The following DCHS2 variants were observed in gnomAD, a reference collection of about 807,000 sequenced individuals.
DCHS2 encodes protocadherin-23.
Under a neutral mutation model 182.4 loss-of-function variants are expected in DCHS2, and 142 were observed. That is an observed-to-expected ratio of 0.78 (90% CI 0.68 to 0.89). The LOEUF (loss-of-function observed/expected upper bound fraction) is 0.89, where lower values mean the gene tolerates loss of function less well. Among genes scored for constraint, DCHS2 ranks in the 40% least tolerant of loss-of-function variants. DCHS2 has a pLI of 0.00. For synonymous variants in DCHS2, 1,740 were observed against 1,663.3 expected (o/e 1.05, Z -1.12); for missense variants, 4,319 against 4,198.6 (o/e 1.03, Z -0.79).
At chr4:154,347,141 C>T (rs949080736) in intron 3 of DCHS2, among the ~76,000 whole-genome samples, 3 of 151,080 alleles carry the variant, frequency 2.0e-5, no homozygotes, top group Non-Finnish European at 2.9e-5. Context: ...CCTTCAAATG[C>T]TATGAATGTT....
At chr4:154,441,118 A>G (rs1338776461) in intron 1 of DCHS2, among the ~76,000 whole-genome samples, 2 of 152,214 alleles carry the variant, frequency 1.3e-5, no homozygotes, top group Admixed American at 6.5e-5. Flanking sequence ...TGTTGTTAAA[A>G]GAAAGGATGC....
chr4:154,363,965 C>G (rs1730238455), intron 3 of DCHS2, among the ~76,000 whole-genome samples: 1 of 152,168 alleles, frequency 6.6e-6, no homozygotes, highest in Non-Finnish European at 1.5e-5. Flanking sequence ...TAAAGTAAAG[C>G]ACTACCAGTC....
chr4:154,457,010 A>G (rs1295281850), intron 1 of DCHS2, among the ~76,000 whole-genome samples: 1 of 152,162 alleles, frequency 6.6e-6, no homozygotes, highest in African/African-American at 2.4e-5. Flanking sequence ...CCACTAGAGT[A>G]TGAGTTCCAT....
intron 1 of DCHS2, among the ~76,000 whole-genome samples, chr4:154,460,685 A>G (rs1355623386): frequency 1.3e-5 from 2 of 152,172 alleles, no homozygotes; most frequent in African/African-American, 4.8e-5. Flanking sequence ...CTTCTGACTC[A>G]TAAATGGGTT....
intron 1 of DCHS2, among the ~76,000 whole-genome samples, chr4:154,420,695 G>C (rs1197894004): frequency 6.6e-6 from 1 of 152,156 alleles, no homozygotes; most frequent in African/African-American, 2.4e-5. Context: ...CACATTGGAT[G>C]AGGGCAGATC....
chr4:154,462,064 C>T (rs761455509), intron 1 of DCHS2, among the ~76,000 whole-genome samples: 12 of 152,154 alleles, frequency 7.9e-5, no homozygotes, highest in East Asian at 1.9e-4. Flanking sequence ...CCACCTCACC[C>T]GCCCCACTCC....
intron 3 of DCHS2, among the ~76,000 whole-genome samples, chr4:154,363,334 T>C (rs1341541963): frequency 1.3e-5 from 2 of 152,134 alleles, no homozygotes; most frequent in African/African-American, 2.4e-5. Context: ...CATAGATAAA[T>C]GGATAATGAA....
intron 13 of DCHS2, among the ~76,000 whole-genome samples, chr4:154,292,923 C>T (rs1165159557): frequency 6.6e-6 from 1 of 152,190 alleles, no homozygotes; most frequent in Non-Finnish European, 1.5e-5. Context: ...CGCCCCGTTT[C>T]TTAAATGTGC....
intron 1 of DCHS2, among the ~76,000 whole-genome samples, chr4:154,426,117 C>T (rs1289241889): frequency 1.3e-5 from 2 of 152,132 alleles, no homozygotes; most frequent in Admixed American, 6.5e-5. Flanking sequence ...CAGACTCTTC[C>T]AGGGGCTTCA....
intron 7 of DCHS2, chr4:154,322,891 C>A (rs530974057): frequency 7.7e-6 from 2 of 260,038 alleles, no homozygotes; most frequent in South Asian, 8.9e-5. Context: ...TTAACACAAT[C>A]ATCACAGTAC....
intron 1 of DCHS2, among the ~76,000 whole-genome samples, chr4:154,429,193 T>C (rs1212581605): frequency 6.6e-6 from 1 of 152,188 alleles, no homozygotes; most frequent in Non-Finnish European, 1.5e-5. Context: ...TGGCATAGAA[T>C]GTGAGTGCCT....
In DCHS2 at chr4:154,302,652, G is replaced by A. The variant is rs571768871; in HGVS notation, c.5605+2017C>T. Among the ~76,000 whole-genome samples, 40 of 151,916 alleles carry A rather than the reference G, an allele frequency of 2.6e-4. No homozygotes were observed. In the South Asian group the frequency reaches 7.5e-3, roughly 28 times the overall value. ...AGATTTCTGAGTCCCACAGCCATCC[G>A]AGGGCTACGGAGCTCCCAGTTTCCA... is the stretch of plus-strand genomic sequence containing the variant. On this transcript the variant is annotated intron_variant, in intron 12 of 19. Coordinates refer to ENST00000357232, the MANE Select transcript of DCHS2 (RefSeq NM_001358235.2).
intron 1 of DCHS2, among the ~76,000 whole-genome samples, chr4:154,382,700 C>A (rs1214765780): frequency 1.3e-5 from 2 of 152,130 alleles, no homozygotes; most frequent in Non-Finnish European, 2.9e-5. Context: ...TTAACAGACA[C>A]TTCTCAAAAG....
intron 1 of DCHS2, among the ~76,000 whole-genome samples, chr4:154,439,865 C>G (rs560638112): frequency 3.3e-5 from 5 of 152,260 alleles, no homozygotes; most frequent in African/African-American, 1.2e-4. Context: ...ACGAAAATAG[C>G]TAGTATTTCT....
chr4:154,251,419 A>T (rs1431114910), intron 16 of DCHS2, among the ~76,000 whole-genome samples: 1 of 145,174 alleles, frequency 6.9e-6, no homozygotes, highest in East Asian at 2.1e-4. Flanking sequence ...GTCTATTACA[A>T]GAATTCAATT....
Position 154,381,098 on chromosome 4 carries a change from G to A in DCHS2, c.2053-3654C>T, listed in dbSNP as rs147697714. Among the ~76,000 whole-genome samples, 230 of 152,112 alleles carry A rather than the reference G, an allele frequency of 1.5e-3. 3 individuals are homozygous for A. Among genetic ancestry groups the A allele is most frequent in the African/African-American group, 5.1e-3 (211 of 41,504 alleles). ...TTATGGTGCTGATTGAGCATCAGAG[G>A]ATATCTCAAGAGGATTTTATCCCTA... On this transcript the variant is annotated intron_variant, in intron 1 of 19. Coordinates refer to ENST00000357232, the MANE Select transcript of DCHS2 (RefSeq NM_001358235.2).
Position 154,334,914 on chromosome 4 carries a change from C to T in DCHS2, c.2667G>A (p.Val889=), listed in dbSNP as rs141368843. The T allele has an allele frequency of 6.2e-7, 1 of 1,614,194 alleles. No homozygotes were observed. The highest frequency in any genetic ancestry group is 8.5e-7 in the Non-Finnish European group (1 of 1,180,042). ...PKYTFLVYED[V]PEDSPIGTVK... ...CTGTTCCAATGGGACTATCTTCAGGCACATCTTCATAAACTAAGAAAGTGT... is the reference window on the plus strand; with the variant it reads ...CTGTTCCAATGGGACTATCTTCAGGTACATCTTCATAAACTAAGAAAGTGT... Residue 889 remains valine (V), a synonymous_variant, in exon 4 of 20, where the codon GTG becomes GTA. Coordinates refer to ENST00000357232, the MANE Select transcript of DCHS2 (RefSeq NM_001358235.2).
At position 154,235,245 on chromosome 4, in the gene DCHS2, G is replaced by A. The variant is rs1298930273; in HGVS notation, c.9407C>T (p.Pro3136Leu). ...GCAGGAGAGCTGGTCTGAGTCCCTC[G>A]GGATACCCGAGTCTGGCACCCTGGA... The part of the protein sequence containing the change: ...HESRVPDSGI[P>L]RDSDQLSCLS... The change falls in exon 20 of 20, where the codon CCG becomes CTG. Residue 3136 changes from proline (P) to leucine (L), a missense_variant. Pro to Leu is a moderately conservative substitution (Grantham distance 98). Transcript: ENST00000357232. The A allele has an allele frequency of 4.3e-6, 7 of 1,613,868 alleles. No homozygotes were observed. Among genetic ancestry groups the A allele is most frequent in the South Asian group, 3.3e-5 (3 of 91,080 alleles).
In DCHS2 at chr4:154,320,986, C is replaced by T. The variant is rs1049144150; in HGVS notation, c.4413G>A (p.Thr1471=). 4 of 1,613,954 alleles carry T rather than the reference C, an allele frequency of 2.5e-6. No individual in the cohort carries two copies. Among genetic ancestry groups the T allele is most frequent in the East Asian group, 2.2e-5 (1 of 44,870 alleles). ...TCACTCTGAAAAGATAATGAGATGT[C>T]GTCTCATAATCAAGTTCCTTAGAAA... ...LFLSKELDYE[T]TSHYLFRVIT... is the part of the protein sequence containing the mutation. Residue 1471 remains threonine (T), a synonymous_variant, in exon 9 of 20, where the codon ACG becomes ACA. Coordinates refer to ENST00000357232, the MANE Select transcript of DCHS2 (RefSeq NM_001358235.2).
Sources: gnomAD v4.1 joint callset for allele counts (sites outside exome capture counted in the v4.1 genomes callset) on GRCh38, gnomAD v4.1.1 for gene constraint, MANE v1.5 for transcripts, NCBI Gene and HGNC (gene_info 2026-07-23, HGNC 2026-07-21) for gene names.